Variants in BRINP1 observed in about 807,000 individuals in gnomAD.
The protein encoded by BRINP1 is BMP/retinoic acid inducible neural specific 1, also known as BMP/retinoic acid-inducible neural-specific protein 1.
Under a neutral mutation model 72.9 loss-of-function variants are expected in BRINP1, and 17 were observed. The ratio of observed to expected loss-of-function variants is 0.23; its 90% CI spans 0.16 to 0.35. The LOEUF is 0.35. Among genes scored for constraint, BRINP1 ranks in the 10% least tolerant of loss-of-function variants. The pLI is 1.00. For synonymous variants in BRINP1, 418 were observed against 378.5 expected (o/e 1.10, Z -1.21); for missense variants, 850 against 1,001.6 (o/e 0.85, Z 2.04).
At chr9:119,318,844 GGTGTGTGTGTGTGTGT>G (rs56756136) in intron 1 of BRINP1, among the ~76,000 whole-genome samples, 2 of 142,236 alleles carry the variant, frequency 1.4e-5, no homozygotes, top group African/African-American at 2.6e-5. Context: ...AAATGTGTGG[GGTGTGTGTGTGTGTGT>G]GTGTGTGTGT....
intron 1 of BRINP1, among the ~76,000 whole-genome samples, chr9:119,332,789 G>C (rs1009634972): frequency 1.3e-5 from 2 of 152,176 alleles, no homozygotes; most frequent in Non-Finnish European, 2.9e-5. Flanking sequence ...GCCTGGGTTA[G>C]GTCAGCTGGC....
intron 7 of BRINP1, among the ~76,000 whole-genome samples, chr9:119,194,472 A>C (rs1829713399): frequency 6.6e-6 from 1 of 152,174 alleles, no homozygotes; most frequent in Non-Finnish European, 1.5e-5. Flanking sequence ...TCTTTTACAT[A>C]ACACAGTTGA....
At chr9:119,184,279 C>A (rs1023547718) in intron 7 of BRINP1, among the ~76,000 whole-genome samples, 1 of 152,172 alleles carries the variant, frequency 6.6e-6, no homozygotes, top group Non-Finnish European at 1.5e-5. Flanking sequence ...GAAGCTCAGC[C>A]ACTGCCACAC....
intron 2 of BRINP1, among the ~76,000 whole-genome samples, chr9:119,274,643 T>C (rs893085066): frequency 5.9e-5 from 9 of 152,126 alleles, no homozygotes; most frequent in African/African-American, 2.2e-4. Flanking sequence ...TGGAAATGAT[T>C]CTAACAGCTC....
chr9:119,270,997 A>G (rs1830600252), intron 2 of BRINP1, among the ~76,000 whole-genome samples: 1 of 152,196 alleles, frequency 6.6e-6, no homozygotes, highest in South Asian at 2.1e-4. Flanking sequence ...GAAATAAATT[A>G]TATTACAATA....
chr9:119,218,079 T>A (rs1054333209), intron 5 of BRINP1, among the ~76,000 whole-genome samples: 2 of 152,106 alleles, frequency 1.3e-5, no homozygotes, highest in Non-Finnish European at 2.9e-5. Flanking sequence ...AGTTTTTCTA[T>A]CATCCCCATT....
At chr9:119,206,202 C>A (rs913697992) in intron 7 of BRINP1, among the ~76,000 whole-genome samples, 1 of 151,852 alleles carries the variant, frequency 6.6e-6, no homozygotes, top group East Asian at 1.9e-4. Flanking sequence ...GATCACCTGA[C>A]GCCAAGAGTT....
intron 7 of BRINP1, among the ~76,000 whole-genome samples, chr9:119,169,537 C>T (rs1490355543): frequency 2.6e-5 from 4 of 152,206 alleles, no homozygotes; most frequent in Non-Finnish European, 5.9e-5. Context: ...AACTGCAAGG[C>T]GGCAGCGGGC....
chr9:119,194,320 T>C (rs1047195492), intron 7 of BRINP1, among the ~76,000 whole-genome samples: 12 of 152,124 alleles, frequency 7.9e-5, no homozygotes, highest in Admixed American at 3.9e-4. Context: ...AGAACTCAGG[T>C]TATCTCTTTT....
At chr9:119,364,644 T>C (rs540435457) in intron 1 of BRINP1, among the ~76,000 whole-genome samples, 20 of 152,328 alleles carry the variant, frequency 1.3e-4, no homozygotes, top group African/African-American at 4.6e-4. Flanking sequence ...GGAAGACAGT[T>C]TCAAATTCTA....
intron 7 of BRINP1, among the ~76,000 whole-genome samples, chr9:119,192,852 C>A (rs1829696298): frequency 6.6e-6 from 1 of 152,066 alleles, no homozygotes; most frequent in Admixed American, 6.6e-5. Context: ...AACTAAATAC[C>A]TATCAACAAA....
chr9:119,317,125 T>C (rs1336461661), intron 1 of BRINP1, among the ~76,000 whole-genome samples: 1 of 149,068 alleles, frequency 6.7e-6, no homozygotes, highest in African/African-American at 2.6e-5. Flanking sequence ...AAGAAATACA[T>C]TTTATACTGC....
At chr9:119,174,835 G>T (rs62568656) in intron 7 of BRINP1, among the ~76,000 whole-genome samples, 26,517 of 150,380 alleles carry the variant, frequency 0.18, 4,192 homozygotes, top group African/African-American at 0.43. Context: ...GATGAAATTG[G>T]AAATCATCAT....
chr9:119,187,660 C>T (rs1829638732), intron 7 of BRINP1, among the ~76,000 whole-genome samples: 1 of 152,050 alleles, frequency 6.6e-6, no homozygotes, highest in Admixed American at 6.5e-5. Context: ...CATGAAAAAA[C>T]AAGGAAACAT....
chr9:119,356,509 C>A (rs1831567580), intron 1 of BRINP1, among the ~76,000 whole-genome samples: 1 of 152,098 alleles, frequency 6.6e-6, no homozygotes. Flanking sequence ...GCTCAATAAA[C>A]AATGTTTGTT....
intron 5 of BRINP1, among the ~76,000 whole-genome samples, chr9:119,220,756 G>A (rs986607372): frequency 1.3e-5 from 2 of 152,102 alleles, no homozygotes; most frequent in Non-Finnish European, 2.9e-5. Flanking sequence ...TTATGAAGAC[G>A]AAAGAAAATA....
chr9:119,273,534 G>T (rs1254638398), intron 2 of BRINP1, among the ~76,000 whole-genome samples: 1 of 152,136 alleles, frequency 6.6e-6, no homozygotes, highest in Non-Finnish European at 1.5e-5. Context: ...CATGGAGTGG[G>T]GTTAGGGAGG....
At chr9:119,229,678 T>C (rs1296753642) in intron 5 of BRINP1, among the ~76,000 whole-genome samples, 1 of 152,106 alleles carries the variant, frequency 6.6e-6, no homozygotes, top group African/African-American at 2.4e-5. Flanking sequence ...CAAAAACACA[T>C]GCCCTTTTGA....
intron 2 of BRINP1, among the ~76,000 whole-genome samples, chr9:119,291,852 G>A (rs1043052088): frequency 3.9e-5 from 6 of 152,116 alleles, no homozygotes; most frequent in Non-Finnish European, 7.4e-5. Flanking sequence ...CAGCATAATA[G>A]GTACAGCCAT....
Sources: gnomAD v4.1 joint callset for allele counts (sites outside exome capture counted in the v4.1 genomes callset) on GRCh38, gnomAD v4.1.1 for gene constraint, MANE v1.5 for transcripts, NCBI Gene and HGNC (gene_info 2026-07-23, HGNC 2026-07-21) for gene names.